FANCD2: variants seen among roughly 807,000 people sequenced by gnomAD.
FANCD2 encodes Fanconi anemia group D2 protein.
In FANCD2, 131 loss-of-function variants were observed where a neutral mutation model predicts 192.3. The ratio of observed to expected loss-of-function variants is 0.68; its 90% CI spans 0.59 to 0.79. FANCD2 has a LOEUF of 0.79. Ranked by LOEUF, FANCD2 falls within the 30% of genes least tolerant of loss-of-function variation. The pLI, the probability that FANCD2 is intolerant of heterozygous loss-of-function variation, is 0.00. For synonymous variants in FANCD2, 524 were observed against 612.5 expected (o/e 0.86, Z 2.13); for missense variants, 1,508 against 1,701.6 (o/e 0.89, Z 2.00).
In FANCD2 at chr3:10,047,932, T is replaced by C; in HGVS notation, c.1294T>C (p.Cys432Arg). The C allele has an allele frequency of 4.3e-6, 7 of 1,613,004 alleles. No homozygotes were observed. The highest frequency in any genetic ancestry group is 5.9e-6 in the Non-Finnish European group (7 of 1,180,048). ...CCCACTCAAGGTTCTTAAGGATATG[T>C]GTTCATCCATTCTGTCGCTGGCTCA... ...SVHYLVLKDM[C>R]SSILSLAQSL... The change falls in exon 16 of 44, where the codon TGT (cysteine) becomes CGT (arginine). Residue 432 changes from cysteine to arginine, a missense_variant. Around this residue, in one of 5 missense-constraint regions of FANCD2, gnomAD observed 108 missense variants for 174.1 expected, o/e 0.62. Coordinates refer to ENST00000675286, the MANE Select transcript of FANCD2 (RefSeq NM_001018115.3).
At position 10,041,631 on chromosome 3, in the gene FANCD2, T is replaced by C. The variant is rs760574880; in HGVS notation, c.704T>C (p.Leu235Pro). The C allele has an allele frequency of 6.2e-7, 1 of 1,612,446 alleles. No individual in the cohort carries two copies. The highest frequency in any genetic ancestry group is 2.2e-5 in the East Asian group (1 of 44,860). ...TTTTCTACCATTCACAGTGACCTACTGATAGAGAATACTTCACTCACTGTC... is the reference window on the plus strand; with the variant it reads ...TTTTCTACCATTCACAGTGACCTACCGATAGAGAATACTTCACTCACTGTC... ...ADVGKELSDL[L>P]IENTSLTVPI... The change falls in exon 10 of 44, where the codon CTG (leucine) becomes CCG (proline). Residue 235 changes from leucine to proline, a missense_variant. Coordinates refer to ENST00000675286, the MANE Select transcript of FANCD2 (RefSeq NM_001018115.3).
chr3:10,054,752 G>C (rs2087358515), intron 18 of FANCD2, among the ~76,000 whole-genome samples: 6 of 150,622 alleles, frequency 4.0e-5, no homozygotes, highest in Admixed American at 4.0e-4. Flanking sequence ...CAAAGTGCTG[G>C]GATTACAGGC....
chr3:10,030,050 G>A (rs1475914027), intron 2 of FANCD2, among the ~76,000 whole-genome samples: 1 of 150,712 alleles, frequency 6.6e-6, no homozygotes, highest in Non-Finnish European at 1.5e-5. Context: ...GCCTCCCAAA[G>A]TGCAAGGATT....
intron 7 of FANCD2, among the ~76,000 whole-genome samples, chr3:10,037,994 A>C (rs1325448932): frequency 6.6e-6 from 1 of 152,068 alleles, no homozygotes; most frequent in African/African-American, 2.4e-5. Context: ...GTAAGTTTAA[A>C]GGTTTACTTA....
At chr3:10,051,394 AAAAAAAAAAAAAACAAAAAGGAGT>A (rs1211690128) in intron 17 of FANCD2, among the ~76,000 whole-genome samples, 964 of 11,600 alleles carry the variant, frequency 0.083, 99 homozygotes, top group African/African-American at 0.42. Flanking sequence ...AAAAAAAAAA[AAAAAAAAAAAAAACAAAAAGGAGT>A]GAGGGATTTA....
At chr3:10,061,704 A>G (rs1243434138) in intron 19 of FANCD2, among the ~76,000 whole-genome samples, 2 of 152,212 alleles carry the variant, frequency 1.3e-5, no homozygotes, top group African/African-American at 4.8e-5. Flanking sequence ...AGAAAAAAAT[A>G]TATAGGATAA....
At chr3:10,058,985 C>T (rs2087488854) in intron 18 of FANCD2, among the ~76,000 whole-genome samples, 2 of 152,102 alleles carry the variant, frequency 1.3e-5, no homozygotes, top group African/African-American at 4.8e-5. Context: ...TTCCTTATGT[C>T]TTTAATGTTT....
intron 34 of FANCD2, 121 bp from the exon 35 acceptor site, chr3:10,088,328 G>A: frequency 2.6e-6 from 2 of 760,910 alleles, no homozygotes; most frequent in Non-Finnish European, 4.8e-6. Flanking sequence ...GTTAGACCGG[G>A]AACGTCTTAG....
intron 6 of FANCD2, among the ~76,000 whole-genome samples, 195 bp from the exon 7 acceptor site, chr3:10,036,086 CTTTTTT>C (rs532765216): frequency 1.9e-5 from 2 of 102,600 alleles, no homozygotes; most frequent in Admixed American, 9.6e-5. Flanking sequence ...TTATACATTT[CTTTTTT>C]TTTTTTTTTT....
Position 10,088,431 on chromosome 3 carries a change from T to G in FANCD2, c.3467-18T>G. 6.6e-7 allele frequency: 1 copy of G among 1,520,330 alleles called. No homozygotes were observed. The highest frequency in any genetic ancestry group is 1.1e-5 in the South Asian group (1 of 89,126). 94.2% of individuals were successfully genotyped at this position (1,520,330 alleles called of 1,614,324 possible). ...CAAGTTCCCATATGTAAGATTCCTTTGTCTTCTTTTCTAACAGCTTCCCTT... is the reference window on the plus strand; with the variant it reads ...CAAGTTCCCATATGTAAGATTCCTTGGTCTTCTTTTCTAACAGCTTCCCTT... On this transcript the variant is annotated intron_variant, in intron 34 of 43. Transcript: ENST00000675286.
intron 18 of FANCD2, among the ~76,000 whole-genome samples, chr3:10,054,355 A>G (rs1284731866): frequency 6.9e-4 from 82 of 118,504 alleles, no homozygotes; most frequent in African/African-American, 2.7e-3. Flanking sequence ...ATATATACGT[A>G]TATATATATA....
intron 18 of FANCD2, among the ~76,000 whole-genome samples, chr3:10,059,913 G>C (rs1348095618): frequency 6.6e-6 from 1 of 152,122 alleles, no homozygotes. Context: ...GTTCACACCT[G>C]TAATCCCAGC....
chr3:10,060,640 AG>A (rs1436418592), intron 19 of FANCD2, among the ~76,000 whole-genome samples: 1 of 152,218 alleles, frequency 6.6e-6, no homozygotes, highest in Non-Finnish European at 1.5e-5. Context: ...GATTGGCTAG[AG>A]GTAAAATTCT....
At chr3:10,028,748 A>G in intron 2 of FANCD2, 27 bp downstream of exon 2, 1 of 1,591,048 alleles carries the variant, frequency 6.3e-7, no homozygotes, top group Non-Finnish European at 8.6e-7. Context: ...TTGTTGCTTT[A>G]TTTCCTGTAG....
At chr3:10,088,424 A>G (rs758739775) in intron 34 of FANCD2, 25 bp from the exon 35 acceptor site, 1 of 1,431,542 alleles carries the variant, frequency 7.0e-7, no homozygotes, top group Admixed American at 1.7e-5. Context: ...CATATGTAAG[A>G]TTCCTTTGTC....
chr3:10,039,681 G>C (rs2124984871), intron 8 of FANCD2, 40 bp from the exon 9 acceptor site: 2 of 1,612,462 alleles, frequency 1.2e-6, no homozygotes, highest in Non-Finnish European at 1.7e-6. Flanking sequence ...TCTTTATTCT[G>C]GGTAATGTGC....
At chr3:10,028,863 A>G in intron 2 of FANCD2, 142 bp downstream of exon 2, 1 of 818,774 alleles carries the variant, frequency 1.2e-6, no homozygotes. Flanking sequence ...GAAATATCAG[A>G]TTTGGGACTG....
rs2125086064 is a variant in FANCD2 at position 10,092,198 on chromosome 3, C to T, written c.3795C>T (p.Leu1265=). Residue 1265 remains leucine, a synonymous_variant, in exon 38 of 44, where the codon CTC becomes CTT. Transcript: ENST00000675286. ...TGCCCCAGATTCATGAAGAGAAACT[C>T]CTCTACTGGAACATGGCTGTTCGAG... ...ADSQQIHEEK[L]LYWNMAVRDF... 1 of 1,613,938 alleles carries T rather than the reference C, an allele frequency of 6.2e-7. No individual in the cohort carries two copies. Among genetic ancestry groups the T allele is most frequent in the Non-Finnish European group, 8.5e-7 (1 of 1,179,826 alleles).
intron 14 of FANCD2, among the ~76,000 whole-genome samples, chr3:10,044,157 T>C (rs927493052): frequency 1.6e-4 from 25 of 152,286 alleles, no homozygotes; most frequent in African/African-American, 5.8e-4. Context: ...AGGTCCCCAC[T>C]GATGAGATGA....
Sources: allele counts gnomAD v4.1 joint callset (sites outside exome capture counted in the v4.1 genomes callset), GRCh38; gene constraint gnomAD v4.1.1; regional missense constraint gnomAD v4.1.1; transcripts MANE v1.5; gene names NCBI Gene and HGNC (gene_info 2026-07-23, HGNC 2026-07-21).